HECW2: variants seen among roughly 807,000 people sequenced by gnomAD.
HECW2 encodes the protein HECT, C2 and WW domain containing E3 ubiquitin protein ligase 2.
HECW2 carries 61 observed loss-of-function variants against 175.2 expected under a neutral mutation model. The ratio of observed to expected loss-of-function variants is 0.35; its 90% CI spans 0.28 to 0.43. The LOEUF (loss-of-function observed/expected upper bound fraction) is 0.43. HECW2 is among the 20% of genes least tolerant of loss of function. The probability of loss-of-function intolerance (pLI) is 1.00; values close to 1 mark genes in which losing one functional copy is unlikely to be tolerated. For synonymous variants in HECW2, 671 were observed against 731.0 expected (o/e 0.92, Z 1.32); for missense variants, 1,524 against 2,000.5 (o/e 0.76, Z 4.54).
intron 1 of HECW2, among the ~76,000 whole-genome samples, chr2:196,449,202 T>TG (rs138338980): frequency 0.13 from 20,170 of 152,140 alleles, 1,795 homozygotes; most frequent in African/African-American, 0.26. Context: ...CCCAGTACAT[T>TG]ATGCACAGAA....
intron 2 of HECW2, among the ~76,000 whole-genome samples, chr2:196,359,667 CCTTTGAT>C: frequency 6.6e-6 from 1 of 152,226 alleles, no homozygotes; most frequent in East Asian, 1.9e-4. Flanking sequence ...GTAAATTATT[CCTTTGAT>C]CTTAATGAGT....
Position 196,538,829 on chromosome 2 carries a change from C to A in HECW2, c.-36+54679G>T, listed in dbSNP as rs78636435. 1.2e-3 allele frequency among the ~76,000 whole-genome samples: 182 copies of A among 152,280 alleles called. 5 individuals are homozygous for A. In the East Asian group the frequency reaches 0.028, roughly 23 times the overall value. Reference sequence around the variant, plus strand: ...CAGGCTGCTCATCAAAACTCACCAGCAATAAAAGCTTAGCAGTCACCTAGG... The same window carrying A: ...CAGGCTGCTCATCAAAACTCACCAGAAATAAAAGCTTAGCAGTCACCTAGG... On this transcript the variant is annotated intron_variant, in intron 1 of 28. Transcript: ENST00000644978.
At chr2:196,452,855 C>A (rs1397780954) in intron 1 of HECW2, among the ~76,000 whole-genome samples, 7 of 150,984 alleles carry the variant, frequency 4.6e-5, no homozygotes, top group African/African-American at 1.7e-4. Context: ...CAGAGCAGGG[C>A]TTATCAATGG....
intron 2 of HECW2, chr2:196,361,753 C>G (rs1231983000): frequency 2.1e-6 from 2 of 971,278 alleles, no homozygotes; most frequent in East Asian, 2.3e-4. Flanking sequence ...TCCCAAACAG[C>G]TGGACAAGGA....
chr2:196,422,800 A>C (rs1464867587), intron 2 of HECW2, among the ~76,000 whole-genome samples: 1 of 152,172 alleles, frequency 6.6e-6, no homozygotes, highest in Non-Finnish European at 1.5e-5. Flanking sequence ...AATCATGATA[A>C]AATATCAAAA....
rs925275031 is a variant in HECW2 at position 196,300,736 on chromosome 2, CACAG to C, written c.2814+5748_2814+5751del. Among the ~76,000 whole-genome samples, 6 of 151,044 alleles carry C rather than the reference CACAG, an allele frequency of 4.0e-5. No homozygotes were observed. In the South Asian group the frequency reaches 6.3e-4, roughly 16 times the overall value. On this transcript the variant is annotated intron_variant, in intron 13 of 28. Transcript: ENST00000644978. ...TATATCTCACATGCATATATTTATA[CACAG>C]ACATATATGTGTGTGTATAAACACA...
chr2:196,315,160 G>C (rs1212624565), intron 10 of HECW2, among the ~76,000 whole-genome samples: 5 of 141,796 alleles, frequency 3.5e-5, no homozygotes, highest in African/African-American at 7.7e-5. Flanking sequence ...GTGTGTGTGT[G>C]TGTGTGTGTG....
chr2:196,404,901 T>G (rs13020144), intron 2 of HECW2, among the ~76,000 whole-genome samples: 6,040 of 138,258 alleles, frequency 0.044, 155 homozygotes, highest in South Asian at 0.1. Context: ...CTCGGCTCGC[T>G]GCAAGCTCTG....
chr2:196,579,423 T>C (rs1690685465), intron 1 of HECW2, among the ~76,000 whole-genome samples: 1 of 152,088 alleles, frequency 6.6e-6, no homozygotes, highest in African/African-American at 2.4e-5. Context: ...TTATCAGTAA[T>C]TACATTAAAT....
chr2:196,232,661 A>G (rs899776957), intron 21 of HECW2, among the ~76,000 whole-genome samples: 1 of 152,244 alleles, frequency 6.6e-6, no homozygotes, highest in African/African-American at 2.4e-5. Context: ...TTATGCTTAG[A>G]AAGTTTAACA....
chr2:196,500,748 TCTAGA>T (rs1687551037), intron 1 of HECW2, among the ~76,000 whole-genome samples: 1 of 152,188 alleles, frequency 6.6e-6, no homozygotes, highest in South Asian at 2.1e-4. Flanking sequence ...AAACAACTTA[TCTAGA>T]CTATACTGGA....
In HECW2 at chr2:196,337,785, A is replaced by G. The variant is rs749081445; in HGVS notation, c.401-3267T>C. On this transcript the variant is annotated intron_variant, in intron 3 of 28. Coordinates refer to ENST00000644978, the MANE Select transcript of HECW2 (RefSeq NM_001348768.2). ...GAAAGGCATCCTGTACGAACCTGTAAGGACCTGATATCGGCTGAGCCAGGT... is the reference window on the plus strand; with the variant it reads ...GAAAGGCATCCTGTACGAACCTGTAGGGACCTGATATCGGCTGAGCCAGGT... Among the ~76,000 whole-genome samples, 79 of 151,564 alleles carry G rather than the reference A, an allele frequency of 5.2e-4. 1 individual carries two copies. Among genetic ancestry groups the G allele is most frequent in the Non-Finnish European group, 9.6e-4 (65 of 67,810 alleles).
At chr2:196,213,240 A>G (rs1687354162) in intron 28 of HECW2, among the ~76,000 whole-genome samples, 1 of 152,240 alleles carries the variant, frequency 6.6e-6, no homozygotes, top group Non-Finnish European at 1.5e-5. Flanking sequence ...TGTGGAGCCA[A>G]TGTTAATAGT....
At chr2:196,404,585 T>C (rs535018659) in intron 2 of HECW2, among the ~76,000 whole-genome samples, 3 of 152,288 alleles carry the variant, frequency 2.0e-5, no homozygotes, top group Admixed American at 1.3e-4. Flanking sequence ...TTTATCATCT[T>C]GGAAAATGTT....
intron 2 of HECW2, among the ~76,000 whole-genome samples, chr2:196,396,818 T>TA (rs35617246): frequency 0.19 from 4,174 of 21,606 alleles, 150 homozygotes; most frequent in African/African-American, 0.28. Flanking sequence ...ATATTCCAAT[T>TA]AAAAAAAAAA....
chr2:196,425,479 T>A (rs779650785), intron 2 of HECW2, among the ~76,000 whole-genome samples: 160 of 152,282 alleles, frequency 1.1e-3, no homozygotes, highest in Non-Finnish European at 2.0e-3. Context: ...CCATTCTAGA[T>A]GCCATTCACA....
intron 1 of HECW2, among the ~76,000 whole-genome samples, chr2:196,462,325 T>C (rs1366621984): frequency 5.3e-5 from 8 of 152,178 alleles, no homozygotes; most frequent in Non-Finnish European, 1.0e-4. Context: ...TAAATTGACC[T>C]AAAGAAAGAA....
rs747175223 is a variant in HECW2, at chr2:196,205,979, T to A, written c.4608-4591A>T. Among the ~76,000 whole-genome samples, 13 of 152,110 alleles carry A rather than the reference T, an allele frequency of 8.5e-5. 1 individual carries two copies. The highest frequency in any genetic ancestry group is 1.0e-4 in the Non-Finnish European group (7 of 68,024). On this transcript the variant is annotated intron_variant, in intron 28 of 28. Transcript: ENST00000644978. ...CCCAATATTTACCATCAACTTGCTC[T>A]ATGAGCCAAGGCCAGGAAAAAAACA... is the stretch of plus-strand genomic sequence containing the variant.
At chr2:196,327,727 T>G (rs1692206087) in intron 5 of HECW2, among the ~76,000 whole-genome samples, 1 of 152,200 alleles carries the variant, frequency 6.6e-6, no homozygotes, top group Non-Finnish European at 1.5e-5. Context: ...TTCTGTACAC[T>G]GTCTGCAAAT....
Sources: gnomAD v4.1 joint callset for allele counts (sites outside exome capture counted in the v4.1 genomes callset) on GRCh38, gnomAD v4.1.1 for gene constraint, MANE v1.5 for transcripts, NCBI Gene and HGNC (gene_info 2026-07-23, HGNC 2026-07-21) for gene names.